Variants in NXPH2 observed in about 807,000 individuals in gnomAD.
The protein encoded by NXPH2 is neurexophilin-2.
In NXPH2, 5 loss-of-function variants were observed where a neutral mutation model predicts 19.8. The ratio of observed to expected loss-of-function variants is 0.25; its 90% CI spans 0.13 to 0.53. The LOEUF is 0.53. NXPH2 is among the 20% of genes least tolerant of loss of function. The pLI is 0.96. For missense variants in NXPH2, 289 were observed against 322.8 expected, an observed-to-expected ratio of 0.90 and a Z score of 0.80; for synonymous variants, 154 against 127.4, an observed-to-expected ratio of 1.21 and a Z score of -1.41.
At chr2:138,717,568 G>T (rs775033347) in intron 1 of NXPH2, among the ~76,000 whole-genome samples, 1 of 151,814 alleles carries the variant, frequency 6.6e-6, no homozygotes, top group Non-Finnish European at 1.5e-5. Flanking sequence ...TTTTGTGATG[G>T]ATCTAATCAA....
chr2:138,777,909 A>G (rs984935618), intron 1 of NXPH2, among the ~76,000 whole-genome samples: 1 of 151,516 alleles, frequency 6.6e-6, no homozygotes, highest in African/African-American at 2.4e-5. Context: ...CTAGAAAAGT[A>G]AATGACTAGT....
chr2:138,711,853 T>C (rs1414423865), intron 1 of NXPH2, among the ~76,000 whole-genome samples: 1 of 152,212 alleles, frequency 6.6e-6, no homozygotes, highest in Non-Finnish European at 1.5e-5. Context: ...AGGATAGTGT[T>C]TCCATGATCA....
chr2:138,742,605 G>C (rs897359828), intron 1 of NXPH2, among the ~76,000 whole-genome samples: 2 of 152,190 alleles, frequency 1.3e-5, no homozygotes, highest in Non-Finnish European at 2.9e-5. Flanking sequence ...AAAGTGACAG[G>C]TGTACAGGAC....
rs1279837893 is a variant in NXPH2 at position 138,671,627 on chromosome 2, C to T, written c.90G>A (p.Glu30=). 3.1e-6 allele frequency: 5 copies of T among 1,595,802 alleles called. No homozygotes were observed. In the Admixed American group the frequency reaches 5.3e-5, roughly 17 times the overall value. Residue 30 remains glutamate, a synonymous_variant, in exon 2 of 2, where the codon GAG becomes GAA. Transcript: ENST00000272641. The part of the protein sequence containing the change: ...CDSKEVVHAT[E]GLDWEDKDAP... ...CATCTTTGTCTTCCCAATCCAGCCC[C>T]TCCGTGGCATGCACCACTTCCTTAC...
At chr2:138,729,317 G>A (rs370401420) in intron 1 of NXPH2, among the ~76,000 whole-genome samples, 4 of 152,110 alleles carry the variant, frequency 2.6e-5, no homozygotes, top group Admixed American at 6.5e-5. Context: ...GGTTTTATAA[G>A]GGGCTTTCCC....
chr2:138,686,887 C>A (rs532136471), intron 1 of NXPH2, among the ~76,000 whole-genome samples: 32 of 152,154 alleles, frequency 2.1e-4, no homozygotes, highest in African/African-American at 4.3e-4. Context: ...TGAACTCATC[C>A]TTTTTTATGG....
chr2:138,735,759 G>C (rs1681529023), intron 1 of NXPH2, among the ~76,000 whole-genome samples: 1 of 152,164 alleles, frequency 6.6e-6, no homozygotes, highest in Non-Finnish European at 1.5e-5. Flanking sequence ...GACAAAGCAA[G>C]TCCTTTCTGC....
intron 1 of NXPH2, among the ~76,000 whole-genome samples, chr2:138,736,976 C>T (rs1036314102): frequency 6.6e-6 from 1 of 152,188 alleles, no homozygotes; most frequent in Admixed American, 6.5e-5. Context: ...TCTGAGACCA[C>T]CTCAGCCTGG....
At chr2:138,728,652 G>A (rs556808241) in intron 1 of NXPH2, among the ~76,000 whole-genome samples, 12 of 152,298 alleles carry the variant, frequency 7.9e-5, no homozygotes, top group African/African-American at 2.9e-4. Context: ...GCTTATAAAT[G>A]TGTCCTGTAG....
At chr2:138,756,140 T>G (rs2104836174) in intron 1 of NXPH2, among the ~76,000 whole-genome samples, 1 of 152,156 alleles carries the variant, frequency 6.6e-6, no homozygotes, top group East Asian at 1.9e-4. Flanking sequence ...GAATATTTAT[T>G]AATTACTCTT....
chr2:138,713,647 ATC>A (rs1281379018), intron 1 of NXPH2, among the ~76,000 whole-genome samples: 1 of 151,882 alleles, frequency 6.6e-6, no homozygotes, highest in Admixed American at 6.6e-5. Context: ...GGTGTGCAAA[ATC>A]TCTGTTTGCT....
At chr2:138,738,392 A>T (rs371729047) in intron 1 of NXPH2, among the ~76,000 whole-genome samples, 27 of 152,304 alleles carry the variant, frequency 1.8e-4, no homozygotes, top group East Asian at 1.7e-3. Flanking sequence ...GGAAATCACT[A>T]TTTATAATTT....
chr2:138,727,300 G>T (rs1681374359), intron 1 of NXPH2, among the ~76,000 whole-genome samples: 1 of 152,138 alleles, frequency 6.6e-6, no homozygotes, highest in African/African-American at 2.4e-5. Context: ...CACGGAGCAT[G>T]GTTGCCAGAC....
intron 1 of NXPH2, among the ~76,000 whole-genome samples, chr2:138,697,902 A>T (rs1469552772): frequency 6.6e-6 from 1 of 152,130 alleles, no homozygotes. Context: ...TATGAAAACA[A>T]CAAATATTTC....
chr2:138,687,329 C>T (rs1225472039), intron 1 of NXPH2, among the ~76,000 whole-genome samples: 1 of 152,188 alleles, frequency 6.6e-6, no homozygotes, highest in Non-Finnish European at 1.5e-5. Context: ...TTTCATGTGT[C>T]TTTTGGCTGC....
At chr2:138,745,715 A>G (rs1365920844) in intron 1 of NXPH2, among the ~76,000 whole-genome samples, 2 of 152,220 alleles carry the variant, frequency 1.3e-5, no homozygotes, top group East Asian at 1.9e-4. Flanking sequence ...TCTTGGAAAC[A>G]TAATGTTGGG....
rs1303942646 is a variant in NXPH2 at position 138,674,499 on chromosome 2, T to G, written c.52-2834A>C. On this transcript the variant is annotated intron_variant, in intron 1 of 1. Transcript: ENST00000272641. ...TGAGGTCTTGTTATGTTGCCCAGGC[T>G]GGTCTTGAACTCCAGCCTCAAGTGA... is the stretch of plus-strand genomic sequence containing the variant. 2.0e-5 allele frequency among the ~76,000 whole-genome samples: 3 copies of G among 152,296 alleles called. No homozygotes were observed. The East Asian group carries it at 5.8e-4, about 29-fold the overall frequency.
intron 1 of NXPH2, among the ~76,000 whole-genome samples, chr2:138,732,187 C>T (rs980430946): frequency 6.6e-6 from 1 of 152,188 alleles, no homozygotes; most frequent in African/African-American, 2.4e-5. Context: ...TTGGTGATCT[C>T]ATACACAATG....
Position 138,733,663 on chromosome 2 carries a change from C to CTAA in NXPH2, c.51+46525_51+46527dup, listed in dbSNP as rs1681486388. 4.6e-5 allele frequency among the ~76,000 whole-genome samples: 7 copies of CTAA among 152,248 alleles called. 2 individuals carry two copies. The highest frequency in any genetic ancestry group is 1.7e-4 in the African/African-American group (7 of 41,556). On this transcript the variant is annotated intron_variant, in intron 1 of 1. Coordinates refer to ENST00000272641, the MANE Select transcript of NXPH2 (RefSeq NM_007226.3). The stretch of plus-strand genomic sequence containing the variant: ...TTATTAATAACAAGGGATATGACAT[C>CTAA]TAAGAAAGCTCTCACAATGTTCGGC...
Sources: gnomAD v4.1 joint callset for allele counts (sites outside exome capture counted in the v4.1 genomes callset) on GRCh38, gnomAD v4.1.1 for gene constraint, MANE v1.5 for transcripts, NCBI Gene and HGNC (gene_info 2026-07-23, HGNC 2026-07-21) for gene names.